PCDH9: variants seen among roughly 807,000 people sequenced by gnomAD.
The protein encoded by PCDH9 is protocadherin 9.
In PCDH9, 24 loss-of-function variants were observed where a neutral mutation model predicts 70.6. That is an observed-to-expected ratio of 0.34 (90% confidence interval 0.25 to 0.48). The LOEUF (loss-of-function observed/expected upper bound fraction) is 0.48. PCDH9 is among the 20% of genes least tolerant of loss of function. The probability of loss-of-function intolerance (pLI) is 0.99; values close to 1 mark genes in which losing one functional copy is unlikely to be tolerated. For missense variants in PCDH9, 1,281 were observed against 1,503.6 expected, an observed-to-expected ratio of 0.85 and a Z score of 2.45; for synonymous variants, 562 against 558.5, an observed-to-expected ratio of 1.01 and a Z score of -0.09.
intron 3 of PCDH9, among the ~76,000 whole-genome samples, chr13:66,727,873 AACTTAGAG>A (rs1471932391): frequency 6.6e-6 from 1 of 152,142 alleles, no homozygotes; most frequent in African/African-American, 2.4e-5. Flanking sequence ...GGCATACGTA[AACTTAGAG>A]ACTACAGAAG....
At chr13:66,686,411 T>C (rs1375826281) in intron 3 of PCDH9, among the ~76,000 whole-genome samples, 8 of 152,168 alleles carry the variant, frequency 5.3e-5, no homozygotes, top group African/African-American at 1.9e-4. Flanking sequence ...TTTGAGTCAA[T>C]TAAACCTCTT....
At chr13:66,677,301 AT>A (rs982343224) in intron 3 of PCDH9, among the ~76,000 whole-genome samples, 1 of 152,156 alleles carries the variant, frequency 6.6e-6, no homozygotes, top group African/African-American at 2.4e-5. Flanking sequence ...CTTGTCAACA[AT>A]GTTTTTAATA....
intron 1 of PCDH9, 108 bp downstream of exon 1, chr13:67,229,672 G>C (rs2089964818): frequency 1.3e-5 from 2 of 152,200 alleles, no homozygotes; most frequent in Admixed American, 6.5e-5. Context: ...CAGCCGAGTA[G>C]GTGAGCTCTG....
At chr13:66,847,651 CA>C (rs1351783981) in intron 3 of PCDH9, among the ~76,000 whole-genome samples, 3 of 152,188 alleles carry the variant, frequency 2.0e-5, no homozygotes, top group Non-Finnish European at 2.9e-5. Flanking sequence ...GTCTTTTCGA[CA>C]TATCTGAAGT....
chr13:66,532,737 G>A (rs1322244661), intron 4 of PCDH9, among the ~76,000 whole-genome samples: 1 of 151,974 alleles, frequency 6.6e-6, no homozygotes, highest in East Asian at 1.9e-4. Flanking sequence ...CACTTTCGGA[G>A]GCCAAGGAGG....
intron 4 of PCDH9, among the ~76,000 whole-genome samples, chr13:66,563,470 T>A (rs1298048638): frequency 6.6e-6 from 1 of 152,160 alleles, no homozygotes; most frequent in African/African-American, 2.4e-5. Context: ...TCTATTACAA[T>A]TACAAATGAG....
At chr13:66,625,774 C>T (rs2077490111) in intron 4 of PCDH9, among the ~76,000 whole-genome samples, 1 of 151,834 alleles carries the variant, frequency 6.6e-6, no homozygotes, top group South Asian at 2.1e-4. Context: ...GATTCTAGTG[C>T]CTCAGCCTCC....
chr13:66,454,944 T>A (rs1958288739), intron 4 of PCDH9, among the ~76,000 whole-genome samples: 1 of 152,100 alleles, frequency 6.6e-6, no homozygotes. Flanking sequence ...TATGGGGGAA[T>A]TCATTTTAAA....
intron 4 of PCDH9, among the ~76,000 whole-genome samples, chr13:66,463,210 G>A (rs1958456527): frequency 6.6e-6 from 1 of 151,654 alleles, no homozygotes; most frequent in Admixed American, 6.6e-5. Context: ...CTTCATCTGG[G>A]AGAATTCAAT....
At chr13:66,631,707 T>G (rs552993551) in intron 3 of PCDH9, among the ~76,000 whole-genome samples, 9 of 152,220 alleles carry the variant, frequency 5.9e-5, no homozygotes, top group Admixed American at 3.3e-4. Flanking sequence ...ACTTATACTG[T>G]CGACAAAATT....
At chr13:67,119,968 A>T (rs2138296650) in intron 2 of PCDH9, among the ~76,000 whole-genome samples, 1 of 152,164 alleles carries the variant, frequency 6.6e-6, no homozygotes, top group Admixed American at 6.6e-5. Flanking sequence ...AATACATAAA[A>T]ATATAAAGAA....
chr13:66,440,769 A>AT (rs1250321994), intron 4 of PCDH9, among the ~76,000 whole-genome samples: 4 of 151,680 alleles, frequency 2.6e-5, no homozygotes, highest in African/African-American at 9.7e-5. Context: ...TTTTTATTTT[A>AT]TTTTTTTCTC....
At chr13:66,958,978 T>C (rs1028188461) in intron 2 of PCDH9, among the ~76,000 whole-genome samples, 6 of 152,238 alleles carry the variant, frequency 3.9e-5, no homozygotes, top group African/African-American at 1.4e-4. Context: ...AAACTCAACC[T>C]TTAGCTTTTC....
At chr13:66,431,402 C>G (rs972817693) in intron 4 of PCDH9, among the ~76,000 whole-genome samples, 25 of 151,904 alleles carry the variant, frequency 1.6e-4, no homozygotes, top group Non-Finnish European at 7.4e-5. Flanking sequence ...AGATCCCAAA[C>G]CCAGTAAATG....
intron 3 of PCDH9, among the ~76,000 whole-genome samples, chr13:66,779,873 A>ATATATATATATGTGTG (rs375882917): frequency 9.5e-5 from 11 of 115,820 alleles, no homozygotes; most frequent in South Asian, 6.0e-4. Flanking sequence ...ATATACATAT[A>ATATATATATATGTGTG]TGTGTGTGTG....
At chr13:66,539,413 T>G (rs1352723761) in intron 4 of PCDH9, among the ~76,000 whole-genome samples, 3 of 152,158 alleles carry the variant, frequency 2.0e-5, no homozygotes, top group Non-Finnish European at 4.4e-5. Flanking sequence ...GCTGTTCTCA[T>G]GATAGTGAGT....
At position 66,991,286 on chromosome 13, in the gene PCDH9, T is replaced by C. The variant is rs528599631; in HGVS notation, c.3037-87681A>G. On this transcript the variant is annotated intron_variant, in intron 2 of 4. Transcript: ENST00000377865. ...AATAGAGAAGAGTAGATGAGACACA[T>C]TTTTTTTTTCCATTGCAGTGGACAA... 4.7e-4 allele frequency among the ~76,000 whole-genome samples: 70 copies of C among 149,126 alleles called. No homozygotes were observed. In the South Asian group the frequency reaches 0.015, roughly 31 times the overall value.
Position 66,681,134 on chromosome 13 carries a change from C to T in PCDH9, c.3139-49723G>A, listed in dbSNP as rs571434182. ...ACTTAACCCAAACAATCCCACATGC[C>T]CTGTAAAAACCTATCACAATCACTT... On this transcript the variant is annotated intron_variant, in intron 3 of 4. Coordinates refer to ENST00000377865, the MANE Select transcript of PCDH9 (RefSeq NM_203487.3). Among the ~76,000 whole-genome samples the T allele has an allele frequency of 2.6e-5, 4 of 152,050 alleles. No homozygotes were observed. In the East Asian group the frequency reaches 7.7e-4, roughly 29 times the overall value.
At chr13:66,632,841 T>G (rs1342023398) in intron 3 of PCDH9, among the ~76,000 whole-genome samples, 2 of 151,990 alleles carry the variant, frequency 1.3e-5, no homozygotes, top group Non-Finnish European at 2.9e-5. Flanking sequence ...TCAGAATTAA[T>G]AAAATGATGA....
Sources: allele counts gnomAD v4.1 joint callset (sites outside exome capture counted in the v4.1 genomes callset), GRCh38; gene constraint gnomAD v4.1.1; transcripts MANE v1.5; gene names NCBI Gene and HGNC (gene_info 2026-07-23, HGNC 2026-07-21).